SLC25A21: variants seen among roughly 807,000 people sequenced by gnomAD.
SLC25A21 encodes the protein solute carrier family 25 member 21, also known as mitochondrial 2-oxodicarboxylate carrier.
Under a neutral mutation model 43.8 loss-of-function variants are expected in SLC25A21, and 47 were observed. The observed-to-expected ratio is 1.07, with a 90% CI of 0.85 to 1.37. The LOEUF is 1.37. Ranked by LOEUF, SLC25A21 falls within the 40% of genes most tolerant of loss-of-function variation. The pLI is 0.00. For missense variants in SLC25A21, 352 were observed against 350.2 expected, an observed-to-expected ratio of 1.00 and a Z score of -0.04; for synonymous variants, 131 against 121.3, an observed-to-expected ratio of 1.08 and a Z score of -0.52.
intron 1 of SLC25A21, among the ~76,000 whole-genome samples, chr14:37,133,628 A>AT (rs978449656): frequency 6.6e-6 from 1 of 151,546 alleles, no homozygotes. Context: ...CTCATACACC[A>AT]TAAAAAAAAA....
At chr14:37,120,734 G>A (rs1404436970) in intron 1 of SLC25A21, among the ~76,000 whole-genome samples, 1 of 152,062 alleles carries the variant, frequency 6.6e-6, no homozygotes, top group Non-Finnish European at 1.5e-5. Context: ...TCCAGAGCTG[G>A]GGTGTTTTCT....
chr14:37,171,954 T>C (rs932689688), intron 1 of SLC25A21: 12 of 363,478 alleles, frequency 3.3e-5, no homozygotes, highest in East Asian at 4.5e-5. Flanking sequence ...TCAAGTAAAA[T>C]AGGTAGCAAG....
In SLC25A21 at chr14:36,679,851, C is replaced by G. The variant is rs1010760489; in HGVS notation, c.*807G>C. On this transcript the variant is annotated 3_prime_UTR_variant, in exon 10 of 10. Coordinates refer to ENST00000331299, the MANE Select transcript of SLC25A21 (RefSeq NM_030631.4). ...ACATGACAATATCTCATCAACAAAA[C>G]TTATCTTCAAAGAGAACTATGTGGA... The G allele has an allele frequency of 3.0e-6, 3 of 984,014 alleles. No homozygotes were observed. The highest frequency in any genetic ancestry group is 1.2e-4 in the Admixed American group (2 of 16,256). 61.0% of individuals were successfully genotyped at this position (984,014 alleles called of 1,614,324 possible).
chr14:37,006,064 G>C (rs1012870194), intron 1 of SLC25A21, among the ~76,000 whole-genome samples: 4 of 152,144 alleles, frequency 2.6e-5, no homozygotes, highest in Non-Finnish European at 4.4e-5. Context: ...GACAAGTTTA[G>C]ATGTGACAAG....
intron 1 of SLC25A21, among the ~76,000 whole-genome samples, chr14:37,015,339 A>G (rs867115039): frequency 0.039 from 5,905 of 150,758 alleles, 351 homozygotes; most frequent in African/African-American, 0.14. Context: ...ATGATTTCCA[A>G]TTTCATCCAT....
intron 1 of SLC25A21, among the ~76,000 whole-genome samples, chr14:36,887,602 C>T (rs1375758633): frequency 6.6e-6 from 1 of 151,026 alleles, no homozygotes; most frequent in Admixed American, 6.6e-5. Context: ...TGCTGACCAG[C>T]ATTTCAACAT....
intron 2 of SLC25A21, among the ~76,000 whole-genome samples, chr14:36,824,378 C>T (rs982989003): frequency 6.6e-6 from 1 of 152,006 alleles, no homozygotes; most frequent in African/African-American, 2.4e-5. Context: ...TCACATGTTA[C>T]CAAGATTTGG....
chr14:36,920,878 T>A (rs145883492), intron 1 of SLC25A21, among the ~76,000 whole-genome samples: 123 of 152,238 alleles, frequency 8.1e-4, no homozygotes, highest in Non-Finnish European at 7.6e-4. Flanking sequence ...TATAACTAGT[T>A]GTATAAAAAG....
chr14:37,088,703 C>T (rs2138847489), intron 1 of SLC25A21, among the ~76,000 whole-genome samples: 1 of 152,296 alleles, frequency 6.6e-6, no homozygotes, highest in South Asian at 2.1e-4. Flanking sequence ...TTAATAAATG[C>T]CAATTACAGG....
chr14:36,777,605 G>A (rs957135679), intron 3 of SLC25A21, among the ~76,000 whole-genome samples: 8 of 152,188 alleles, frequency 5.3e-5, no homozygotes. Flanking sequence ...TGCAGGCAGA[G>A]CTGGAATTAT....
rs1209814997 is a variant in SLC25A21 at position 37,040,326 on chromosome 14, G to GGGAAAGGAAAA, written c.70+131954_70+131955insTTTTCCTTTCC. On this transcript the variant is annotated intron_variant, in intron 1 of 9. Transcript: ENST00000331299. ...GAGGAAGGAAAGGAAGAAAGGAAGAGGGGAAGGAAGGAAGGAAGGAAGGAA... is the reference window on the plus strand; with the variant it reads ...GAGGAAGGAAAGGAAGAAAGGAAGAGGGAAAGGAAAAGGGAAGGAAGGAAGGAAGGAAGGAA... Among the ~76,000 whole-genome samples the GGGAAAGGAAAA allele has an allele frequency of 3.7e-4, 21 of 57,418 alleles. 1 individual carries two copies. The highest frequency in any genetic ancestry group is 3.7e-4 in the Non-Finnish European group (13 of 35,480). 37.7% of individuals were successfully genotyped at this position (57,418 alleles called of 152,430 possible).
At chr14:36,821,989 C>T (rs766957091) in intron 2 of SLC25A21, among the ~76,000 whole-genome samples, 18 of 152,136 alleles carry the variant, frequency 1.2e-4, no homozygotes, top group African/African-American at 1.9e-4. Flanking sequence ...TTACTGAGCT[C>T]CCCAACTGTA....
intron 5 of SLC25A21, 33 bp from the exon 6 acceptor site, chr14:36,725,710 CAAGTTA>C: frequency 1.4e-6 from 2 of 1,459,242 alleles, no homozygotes; most frequent in Non-Finnish European, 1.9e-6. Context: ...TACTTTAAAA[CAAGTTA>C]TCATGTGTAT....
intron 3 of SLC25A21, among the ~76,000 whole-genome samples, chr14:36,753,317 G>T (rs1885785895): frequency 6.6e-6 from 1 of 152,118 alleles, no homozygotes; most frequent in Non-Finnish European, 1.5e-5. Context: ...TCTCGGAATG[G>T]AAGGAAGCTA....
At chr14:37,026,424 T>C (rs1961094144) in intron 1 of SLC25A21, among the ~76,000 whole-genome samples, 1 of 152,098 alleles carries the variant, frequency 6.6e-6, no homozygotes, top group Non-Finnish European at 1.5e-5. Flanking sequence ...TAGCTTGTTA[T>C]TAAAAAATAG....
intron 2 of SLC25A21, among the ~76,000 whole-genome samples, chr14:36,824,467 C>A (rs1888749253): frequency 6.6e-6 from 1 of 152,092 alleles, no homozygotes; most frequent in Admixed American, 6.6e-5. Flanking sequence ...AACTGACAAA[C>A]AAATGGTAGT....
Position 36,679,172 on chromosome 14 carries a change from C to CTTA in SLC25A21, c.*1483_*1485dup. 2.0e-6 allele frequency: 2 copies of CTTA among 985,184 alleles called. No homozygotes were observed. Among genetic ancestry groups the CTTA allele is most frequent in the South Asian group, 4.7e-5 (1 of 21,274 alleles). 61.0% of individuals were successfully genotyped at this position (985,184 alleles called of 1,614,324 possible). A position where few individuals can be genotyped will look rare whatever the true frequency, so the allele number is the denominator to read the frequency against. On this transcript the variant is annotated 3_prime_UTR_variant, in exon 10 of 10. Coordinates refer to ENST00000331299, the MANE Select transcript of SLC25A21 (RefSeq NM_030631.4). Reference sequence around the variant, plus strand: ...TGCAGTTGTGCAACAGAGACACATTCTTATTTCTTTTTTTTCACAATTTTG... The same window carrying CTTA: ...TGCAGTTGTGCAACAGAGACACATTCTTATTATTTCTTTTTTTTCACAATTTTG...
At position 36,714,699 on chromosome 14, in the gene SLC25A21, T is replaced by A. The variant is rs543017116; in HGVS notation, c.439-3217A>T. 2.0e-5 allele frequency among the ~76,000 whole-genome samples: 3 copies of A among 152,366 alleles called. No individual in the cohort carries two copies. In the South Asian group the frequency reaches 6.2e-4, roughly 32 times the overall value. On this transcript the variant is annotated intron_variant, in intron 6 of 9. Coordinates refer to ENST00000331299, the MANE Select transcript of SLC25A21 (RefSeq NM_030631.4). ...TGCTCAACACCTTTAGCCATTATCATACGTGCTCAGTACTTTTTGGTGTCA... is the reference window on the plus strand; with the variant it reads ...TGCTCAACACCTTTAGCCATTATCAAACGTGCTCAGTACTTTTTGGTGTCA...
chr14:36,764,075 A>AAGGAAG (rs1886275041), intron 3 of SLC25A21, among the ~76,000 whole-genome samples: 1 of 28,664 alleles, frequency 3.5e-5, no homozygotes, highest in Non-Finnish European at 5.4e-5. Context: ...AAAGAAAGAA[A>AAGGAAG]GAAAGAAGGA....
Sources: allele counts gnomAD v4.1 joint callset (sites outside exome capture counted in the v4.1 genomes callset), GRCh38; gene constraint gnomAD v4.1.1; transcripts MANE v1.5; gene names NCBI Gene and HGNC (gene_info 2026-07-23, HGNC 2026-07-21).